The following POLB variants were observed in gnomAD, a reference collection of about 807,000 sequenced individuals.
POLB encodes DNA polymerase beta.
Under a neutral mutation model 52.7 loss-of-function variants are expected in POLB, and 37 were observed. The ratio of observed to expected loss-of-function variants is 0.70; its 90% CI spans 0.54 to 0.92. The LOEUF is 0.92. POLB is among the 40% of genes least tolerant of loss of function. The probability of loss-of-function intolerance (pLI) is 0.00; values close to 1 mark genes in which losing one functional copy is unlikely to be tolerated. For synonymous variants in POLB, 138 were observed against 131.3 expected (o/e 1.05, Z -0.35); for missense variants, 313 against 400.8 (o/e 0.78, Z 1.87).
intron 13 of POLB, 147 bp from the exon 14 acceptor site, chr8:42,371,416 T>G: frequency 2.4e-6 from 1 of 422,448 alleles, no homozygotes; most frequent in Non-Finnish European, 4.3e-6. Context: ...AGCTACCACA[T>G]CCGCCGGTCT....
chr8:42,345,440 C>G (rs1822551652), intron 3 of POLB, among the ~76,000 whole-genome samples: 1 of 152,270 alleles, frequency 6.6e-6, no homozygotes, highest in East Asian at 1.9e-4. Flanking sequence ...TACTAATAAG[C>G]ACATGATTAA....
chr8:42,370,471 G>A (rs1242499727), intron 13 of POLB, among the ~76,000 whole-genome samples: 3 of 151,846 alleles, frequency 2.0e-5, no homozygotes, highest in African/African-American at 4.8e-5. Context: ...GTGGTTTACT[G>A]TTCTCTACTA....
At chr8:42,350,127 G>A in intron 5 of POLB, 62 bp downstream of exon 5, 1 of 1,058,068 alleles carries the variant, frequency 9.5e-7, no homozygotes, top group Admixed American at 1.7e-5. Flanking sequence ...GTTAGCCAAA[G>A]TAAATTACAT....
At position 42,371,681 on chromosome 8, in the gene POLB, A is replaced by C. The variant is rs200550021; in HGVS notation, c.*24A>C. On this transcript the variant is annotated 3_prime_UTR_variant, in exon 14 of 14. Transcript: ENST00000265421. Reference sequence around the variant, plus strand: ...GAGGCCTGTATCCTCCCTGGCAGACACAACCCAATAGGAGTCTTAATTTAT... The same window carrying C: ...GAGGCCTGTATCCTCCCTGGCAGACCCAACCCAATAGGAGTCTTAATTTAT... 2.7e-5 allele frequency: 36 copies of C among 1,325,618 alleles called. No homozygotes were observed. The highest frequency in any genetic ancestry group is 3.6e-4 in the Middle Eastern group (2 of 5,542). The allele number at this position is 1,325,618 out of a possible 1,614,324, so 82.1% of individuals were successfully genotyped here. A position where few individuals can be genotyped will look rare whatever the true frequency, so the allele number is the denominator to read the frequency against.
chr8:42,348,970 A>G (rs748794729), intron 3 of POLB, 46 bp from the exon 4 acceptor site: 2 of 989,596 alleles, frequency 2.0e-6, no homozygotes, highest in African/African-American at 3.3e-5. Context: ...GTGATTTGGT[A>G]AGCATTATAT....
At chr8:42,362,793 C>T in intron 11 of POLB, 95 bp downstream of exon 11, 1 of 694,540 alleles carries the variant, frequency 1.4e-6, no homozygotes. Flanking sequence ...CTTTGAATTA[C>T]AGTCACCAAA....
chr8:42,362,746 G>C (rs372564532), intron 11 of POLB, 48 bp downstream of exon 11: 5 of 951,762 alleles, frequency 5.3e-6, no homozygotes, highest in African/African-American at 4.9e-5. Flanking sequence ...CTTGGAGACT[G>C]TTCAGTAGCC....
At position 42,357,327 on chromosome 8, in the gene POLB, T is replaced by A; in HGVS notation, c.485T>A (p.Val162Glu). 2 of 1,552,918 alleles carry A rather than the reference T, an allele frequency of 1.3e-6. No individual in the cohort carries two copies. Among genetic ancestry groups the A allele is most frequent in the Non-Finnish European group, 1.8e-6 (2 of 1,124,588 alleles). The change falls in exon 9 of 14, where the codon GTA becomes GAA. Residue 162 changes from valine (V) to glutamate (E), a missense_variant. This residue lies in a region of POLB where 246 missense variants were observed against 297.6 expected (regional missense o/e 0.83). Transcript: ENST00000265421. The part of the protein sequence containing the change: ...REEMLQMQDI[V>E]LNEVKKVDSE... ...TAATTTTTCTTCTATTAGGATATTGTACTAAATGAAGTTAAAAAAGTGGAT... is the reference window on the plus strand; with the variant it reads ...TAATTTTTCTTCTATTAGGATATTGAACTAAATGAAGTTAAAAAAGTGGAT...
At position 42,357,171 on chromosome 8, in the gene POLB, A is replaced by AT; in HGVS notation, c.429dup (p.Gly144TrpfsTer4). ...GTCTACTTATTCTGTCTTTATAGAT[A>AT]TTTTGGGGACTTTGAAAAAAGAATT... On this transcript the variant is annotated frameshift_variant, in exon 8 of 14. Transcript: ENST00000265421. LOFTEE classifies it high-confidence loss of function. The AT allele has an allele frequency of 6.6e-7, 1 of 1,514,030 alleles. No homozygotes were observed. The highest frequency in any genetic ancestry group is 9.2e-7 in the Non-Finnish European group (1 of 1,091,114). 93.8% of individuals were successfully genotyped at this position (1,514,030 alleles called of 1,614,324 possible).
At chr8:42,344,134 CAAAAAAA>C (rs34085444) in intron 2 of POLB, among the ~76,000 whole-genome samples, 112 of 59,036 alleles carry the variant, frequency 1.9e-3, no homozygotes, top group African/African-American at 5.4e-3. Context: ...GACTCCGTCT[CAAAAAAA>C]AAAAAAAAAA....
chr8:42,367,427 G>A (rs1824111025), intron 11 of POLB, among the ~76,000 whole-genome samples: 1 of 152,144 alleles, frequency 6.6e-6, no homozygotes, highest in Non-Finnish European at 1.5e-5. Flanking sequence ...GTATCTGAGG[G>A]AAGAGATAGC....
chr8:42,362,935 A>C (rs891265513), intron 11 of POLB, among the ~76,000 whole-genome samples: 1 of 151,950 alleles, frequency 6.6e-6, no homozygotes, highest in African/African-American at 2.4e-5. Context: ...GACCATGCTG[A>C]CCAACATGGA....
At chr8:42,369,728 A>C in intron 12 of POLB, 121 bp from the exon 13 acceptor site, 1 of 623,490 alleles carries the variant, frequency 1.6e-6, no homozygotes, top group Non-Finnish European at 2.7e-6. Context: ...TCTTCTCTTC[A>C]AATTATTAGA....
chr8:42,343,369 T>TATACATACAC (rs761101423), intron 2 of POLB, among the ~76,000 whole-genome samples: 2 of 36,288 alleles, frequency 5.5e-5, no homozygotes, highest in Admixed American at 6.8e-4. Flanking sequence ...TATATATATA[T>TATACATACAC]ACACAAAATT....
At chr8:42,360,020 T>C (rs886587733) in intron 9 of POLB, among the ~76,000 whole-genome samples, 1 of 151,836 alleles carries the variant, frequency 6.6e-6, no homozygotes, top group Non-Finnish European at 1.5e-5. Flanking sequence ...TGATCTCAGC[T>C]CACTGCAACT....
chr8:42,361,002 A>G (rs1256538235), intron 9 of POLB: 5 of 508,542 alleles, frequency 9.8e-6, no homozygotes, highest in African/African-American at 7.8e-5. Context: ...GTTTTTATTC[A>G]TTATTGAGTA....
chr8:42,357,450 A>G (rs1192551149), intron 9 of POLB, 58 bp downstream of exon 9: 1 of 879,728 alleles, frequency 1.1e-6, no homozygotes, highest in Non-Finnish European at 1.9e-6. Context: ...TGCCTAATAT[A>G]TGGGAAGAAT....
chr8:42,346,258 A>G (rs1339138521), intron 3 of POLB, among the ~76,000 whole-genome samples: 3 of 151,996 alleles, frequency 2.0e-5, no homozygotes, highest in Non-Finnish European at 4.4e-5. Flanking sequence ...CCTGATAGTT[A>G]TCACCTCCTT....
At chr8:42,342,986 G>A (rs1418811585) in intron 2 of POLB, among the ~76,000 whole-genome samples, 1 of 151,886 alleles carries the variant, frequency 6.6e-6, no homozygotes, top group Non-Finnish European at 1.5e-5. Context: ...GTCAGGAGTT[G>A]GAAACCAGCC....
Sources: gnomAD v4.1 joint callset for allele counts (sites outside exome capture counted in the v4.1 genomes callset) on GRCh38, gnomAD v4.1.1 for gene constraint, gnomAD v4.1.1 regional missense constraint, MANE v1.5 for transcripts, NCBI Gene and HGNC (gene_info 2026-07-23, HGNC 2026-07-21) for gene names.